The following DCDC2 variants were observed in gnomAD, a reference collection of about 807,000 sequenced individuals.
DCDC2 encodes the protein doublecortin domain containing 2, also known as doublecortin domain-containing protein 2.
In DCDC2, 40 loss-of-function variants were observed where a neutral mutation model predicts 50.2. That is an observed-to-expected ratio of 0.80 (90% CI 0.62 to 1.04). The LOEUF (loss-of-function observed/expected upper bound fraction) is 1.04, where lower values mean the gene tolerates loss of function less well. Ranked by LOEUF, DCDC2 falls within the 50% of genes least tolerant of loss-of-function variation. The pLI, the probability that DCDC2 is intolerant of heterozygous loss-of-function variation, is 0.00. For synonymous variants in DCDC2, 234 were observed against 210.6 expected, an observed-to-expected ratio of 1.11 and a Z score of -0.96; for missense variants, 570 against 581.9, an observed-to-expected ratio of 0.98 and a Z score of 0.21.
intron 7 of DCDC2, among the ~76,000 whole-genome samples, chr6:24,220,925 A>AGCGAGCGAGAGAGTGAGCGAGAGAGC (rs1345263843): frequency 6.6e-6 from 1 of 152,028 alleles, no homozygotes; most frequent in South Asian, 2.1e-4. Flanking sequence ...CGAGCGAGCG[A>AGCGAGCGAGAGAGTGAGCGAGAGAGC]GAGCACATGC....
the DCDC2 span, among the ~76,000 whole-genome samples, chr6:24,375,483 A>C: frequency 1.3e-5 from 2 of 152,086 alleles, no homozygotes; most frequent in Non-Finnish European, 2.9e-5. Context: ...GTAGACTAGG[A>C]GATACGTATA....
In DCDC2 at chr6:24,248,510, GTAGTAT is replaced by G. The variant is rs1273951926; in HGVS notation, c.922+29533_922+29538del. Among the ~76,000 whole-genome samples, 22 of 152,266 alleles carry G rather than the reference GTAGTAT, an allele frequency of 1.4e-4. No homozygotes were observed. The East Asian group carries it at 4.1e-3, about 28-fold the overall frequency. ...TTAATCAGTGGTAGTATTAGTATTG[GTAGTAT>G]TAGTATTAGTATCATTAGTATCATT... On this transcript the variant is annotated intron_variant, in intron 7 of 9. Transcript: ENST00000378454.
chr6:24,284,757 C>T lies in DCDC2; in HGVS notation c.759+4095G>A, dbSNP rs115229980. Among the ~76,000 whole-genome samples, 945 of 152,180 alleles carry T rather than the reference C, an allele frequency of 6.2e-3. 5 individuals carry two copies. The highest frequency in any genetic ancestry group is 0.021 in the African/African-American group (874 of 41,500). On this transcript the variant is annotated intron_variant, in intron 6 of 9. Coordinates refer to ENST00000378454, the MANE Select transcript of DCDC2 (RefSeq NM_016356.5). ...CTGCCTGCCTCTCCGATTTCATTCA[C>T]GGCCTTCTTTCTGCCCTCCTCACAT... is the stretch of plus-strand genomic sequence containing the variant.
chr6:24,300,161 G>A (rs560618589), intron 4 of DCDC2, among the ~76,000 whole-genome samples: 8 of 152,062 alleles, frequency 5.3e-5, no homozygotes, highest in Admixed American at 3.3e-4. Flanking sequence ...AGGCCAAGGC[G>A]GGCGGATTGC....
intron 7 of DCDC2, among the ~76,000 whole-genome samples, chr6:24,233,221 T>C (rs935570219): frequency 6.6e-6 from 1 of 152,216 alleles, no homozygotes; most frequent in South Asian, 2.1e-4. Context: ...GCTTCACAAA[T>C]AGCTCAACAC....
At chr6:24,193,593 A>C in intron 8 of DCDC2, among the ~76,000 whole-genome samples, 1 of 152,176 alleles carries the variant, frequency 6.6e-6, no homozygotes, top group East Asian at 1.9e-4. Context: ...GGCAACAGGG[A>C]AAAAGGGTTA....
chr6:24,176,732 G>A (rs1031471486), intron 9 of DCDC2, among the ~76,000 whole-genome samples: 3 of 151,996 alleles, frequency 2.0e-5, no homozygotes, highest in Admixed American at 6.5e-5. Context: ...CTCCTTTCTC[G>A]CAGAAATTTT....
At chr6:24,342,099 C>T (rs1265218509) in intron 2 of DCDC2, among the ~76,000 whole-genome samples, 4 of 152,190 alleles carry the variant, frequency 2.6e-5, no homozygotes, top group African/African-American at 9.7e-5. Flanking sequence ...TTATTACTGA[C>T]TCCTTTGGGC....
chr6:24,194,243 T>G (rs78035372), intron 8 of DCDC2, among the ~76,000 whole-genome samples: 4,006 of 152,156 alleles, frequency 0.026, 88 homozygotes, highest in African/African-American at 0.058. Flanking sequence ...TTTTAAAAAC[T>G]TGTACAATTC....
At chr6:24,373,383 A>G in the DCDC2 span, among the ~76,000 whole-genome samples, 5 of 152,380 alleles carry the variant, frequency 3.3e-5, no homozygotes, top group East Asian at 5.8e-4. Flanking sequence ...CACTAATGCA[A>G]TGGAATACCA....
At chr6:24,309,326 CA>C (rs202044201) in intron 2 of DCDC2, among the ~76,000 whole-genome samples, 402 of 123,900 alleles carry the variant, frequency 3.2e-3, no homozygotes, top group African/African-American at 5.0e-3. Context: ...GACTCCATCT[CA>C]AAAAAAAAAA....
At chr6:24,312,404 G>T (rs1300831437) in intron 2 of DCDC2, among the ~76,000 whole-genome samples, 2 of 152,080 alleles carry the variant, frequency 1.3e-5, no homozygotes, top group African/African-American at 4.8e-5. Context: ...GCAAAATCAG[G>T]CCAGCCACGG....
chr6:24,262,832 G>GCC (rs1763041765), intron 7 of DCDC2, among the ~76,000 whole-genome samples: 1 of 152,226 alleles, frequency 6.6e-6, no homozygotes, highest in Non-Finnish European at 1.5e-5. Context: ...GTCTGGCTGG[G>GCC]TTCACCAACT....
At position 24,279,376 on chromosome 6, in the gene DCDC2, G is replaced by A. The variant is rs545569112; in HGVS notation, c.760-1165C>T. ...GATCACTGGAGGTCAGGAGTTTGAGGCCAGACTAAGCAACATAGCAGGACC... is the reference window on the plus strand; with the variant it reads ...GATCACTGGAGGTCAGGAGTTTGAGACCAGACTAAGCAACATAGCAGGACC... On this transcript the variant is annotated intron_variant, in intron 6 of 9. Coordinates refer to ENST00000378454, the MANE Select transcript of DCDC2 (RefSeq NM_016356.5). 4.6e-5 allele frequency among the ~76,000 whole-genome samples: 7 copies of A among 152,068 alleles called. No individual in the cohort carries two copies. The East Asian group carries it at 1.4e-3, about 29-fold the overall frequency.
chr6:24,303,394 C>T (rs1276080877), intron 2 of DCDC2, among the ~76,000 whole-genome samples: 1 of 152,080 alleles, frequency 6.6e-6, no homozygotes, highest in Non-Finnish European at 1.5e-5. Context: ...AACCAGCCTG[C>T]TCCCCTCCAT....
the DCDC2 span, among the ~76,000 whole-genome samples, chr6:24,377,565 G>A: frequency 6.6e-6 from 1 of 151,982 alleles, no homozygotes; most frequent in East Asian, 1.9e-4. Context: ...TTATTTTTAC[G>A]TGATACTCAA....
intron 2 of DCDC2, among the ~76,000 whole-genome samples, chr6:24,304,909 A>G (rs886866379): frequency 1.3e-5 from 2 of 152,136 alleles, no homozygotes; most frequent in African/African-American, 4.8e-5. Context: ...GGGCTTAAGC[A>G]TTCCTCCTTA....
At chr6:24,275,602 CAAT>C (rs1286699604) in intron 7 of DCDC2, among the ~76,000 whole-genome samples, 28 of 152,158 alleles carry the variant, frequency 1.8e-4, no homozygotes, top group African/African-American at 6.5e-4. Flanking sequence ...TTTCCTGTAA[CAAT>C]GAGATCCAGC....
At chr6:24,328,239 T>C (rs1759908493) in intron 2 of DCDC2, among the ~76,000 whole-genome samples, 1 of 152,210 alleles carries the variant, frequency 6.6e-6, no homozygotes, top group South Asian at 2.1e-4. Flanking sequence ...CACTGAGTTG[T>C]TGACAACTGA....
Sources: gnomAD v4.1 joint callset for allele counts (sites outside exome capture counted in the v4.1 genomes callset) on GRCh38, gnomAD v4.1.1 for gene constraint, MANE v1.5 for transcripts, NCBI Gene and HGNC (gene_info 2026-07-23, HGNC 2026-07-21) for gene names.